Variants in PCDHGA3 observed in about 807,000 individuals in gnomAD.
PCDHGA3 encodes protocadherin gamma subfamily A, 3.
A neutral mutation model predicts 58.5 loss-of-function variants in PCDHGA3; 40 were observed. The observed-to-expected ratio is 0.68, with a 90% CI of 0.53 to 0.89. The LOEUF is 0.89. PCDHGA3 is among the 40% of genes least tolerant of loss of function. The pLI is 0.00. For synonymous variants in PCDHGA3, 530 were observed against 525.7 expected (o/e 1.01, Z -0.11); for missense variants, 1,223 against 1,195.9 (o/e 1.02, Z -0.33).
At chr5:141,416,993 C>T (rs1230909560) in intron 1 of PCDHGA3, 1 of 151,494 alleles carries the variant, frequency 6.6e-6, no homozygotes, top group Non-Finnish European at 1.5e-5. Context: ...ATTGTGCATT[C>T]ATCTCAAATA....
rs201540226 is a variant in PCDHGA3, at chr5:141,399,196, G to T, written c.2424+52739G>T. On this transcript the variant is annotated intron_variant, in intron 1 of 3. Coordinates refer to ENST00000253812, the MANE Select transcript of PCDHGA3 (RefSeq NM_018916.4). ...ACTTGAAATGATTCTGGAAAACGCG[G>T]TGCCTGGAACACTAATTGCTTTGAT... The T allele has an allele frequency of 4.2e-5, 67 of 1,613,820 alleles. 1 individual carries two copies. In the African/African-American group the frequency reaches 5.7e-4, roughly 14 times the overall value.
Position 141,432,563 on chromosome 5 carries a change from G to T in PCDHGA3, c.2425-62244G>T. 2 of 1,613,912 alleles carry T rather than the reference G, an allele frequency of 1.2e-6. No homozygotes were observed. Among genetic ancestry groups the T allele is most frequent in the Non-Finnish European group, 1.7e-6 (2 of 1,179,996 alleles). The stretch of plus-strand genomic sequence containing the variant: ...GGTGGACAGAGACTCCGGCCAGAAC[G>T]CCTGGCTGTCCTACCGTCTGCTCAA... On this transcript the variant is annotated intron_variant, in intron 1 of 3. Transcript: ENST00000253812. The surrounding 1 kb of genome is among the most constrained non-coding windows in gnomAD (Gnocchi z 6.0).
rs747437039 is a variant in PCDHGA3 at position 141,413,919 on chromosome 5, G to T, written c.2424+67462G>T. The T allele has an allele frequency of 1.2e-5, 19 of 1,613,284 alleles. 1 individual carries two copies. The highest frequency in any genetic ancestry group is 1.6e-5 in the Non-Finnish European group (19 of 1,179,890). ...ATGACAACGCGCCGGTCTTCACCTT[G>T]CCAGAATACCGAGTGAGTGTTCCTG... On this transcript the variant is annotated intron_variant, in intron 1 of 3. Transcript: ENST00000253812.
chr5:141,347,057 T>G (rs1299056718), intron 1 of PCDHGA3, among the ~76,000 whole-genome samples: 2 of 135,096 alleles, frequency 1.5e-5, no homozygotes, highest in Non-Finnish European at 3.2e-5. Context: ...CTTTCCTCCT[T>G]CCTTCCTTCC....
chr5:141,441,725 C>A, intron 1 of PCDHGA3: 1 of 352,450 alleles, frequency 2.8e-6, no homozygotes. Flanking sequence ...AGGCCCGCGA[C>A]CAGGACTAGC....
chr5:141,344,029 A>G lies in PCDHGA3; in HGVS notation c.-5A>G. On this transcript the variant is annotated 5_prime_UTR_variant, in exon 1 of 4. Coordinates refer to ENST00000253812, the MANE Select transcript of PCDHGA3 (RefSeq NM_018916.4). ...ATTCAGAGAAAGCGATTCACCGAAA[A>G]GGAAATGACCAATTGCCTGAGTTTC... The G allele has an allele frequency of 6.5e-7, 1 of 1,529,670 alleles. No homozygotes were observed. The highest frequency in any genetic ancestry group is 8.8e-7 in the Non-Finnish European group (1 of 1,140,436). 94.8% of individuals were successfully genotyped at this position (1,529,670 alleles called of 1,614,324 possible).
rs1048758308 is a variant in PCDHGA3 at position 141,498,931 on chromosome 5, A to T, written c.2483+4066A>T. Among the ~76,000 whole-genome samples the T allele has an allele frequency of 6.2e-4, 88 of 141,764 alleles. 1 individual carries two copies. Among genetic ancestry groups the T allele is most frequent in the Non-Finnish European group, 1.1e-3 (70 of 64,686 alleles). 93.0% of individuals were successfully genotyped at this position (141,764 alleles called of 152,430 possible). On this transcript the variant is annotated intron_variant, in intron 2 of 3. Coordinates refer to ENST00000253812, the MANE Select transcript of PCDHGA3 (RefSeq NM_018916.4). ...CTGGGTGACAGAGCGAGACTCCATC[A>T]GGAAAGAAAGAAAGAAAAAGAGAGA... is the stretch of plus-strand genomic sequence containing the variant.
chr5:141,462,999 C>T (rs1360054048), intron 1 of PCDHGA3, among the ~76,000 whole-genome samples: 1 of 152,068 alleles, frequency 6.6e-6, no homozygotes, highest in Non-Finnish European at 1.5e-5. Flanking sequence ...TAATTTAGAC[C>T]TACCACTTAA....
intron 1 of PCDHGA3, chr5:141,366,694 C>T: frequency 1.2e-6 from 2 of 1,614,214 alleles, no homozygotes; most frequent in Non-Finnish European, 1.7e-6. Flanking sequence ...GTGAGAAAAG[C>T]GAGCCTCTTC....
chr5:141,431,725 G>A lies in PCDHGA3; in HGVS notation c.2425-63082G>A. The A allele has an allele frequency of 6.2e-7, 1 of 1,614,230 alleles. No individual in the cohort carries two copies. Among genetic ancestry groups the A allele is most frequent in the Non-Finnish European group, 8.5e-7 (1 of 1,180,044 alleles). On this transcript the variant is annotated intron_variant, in intron 1 of 3. Coordinates refer to ENST00000253812, the MANE Select transcript of PCDHGA3 (RefSeq NM_018916.4). The surrounding 1 kb of genome is among the most constrained non-coding windows in gnomAD (Gnocchi z 4.8). Reference sequence around the variant, plus strand: ...TCTACCAGATGGAAGTGCAAGCAATGGATAATGCAGGATATTCTGCGCGAG... The same window carrying A: ...TCTACCAGATGGAAGTGCAAGCAATAGATAATGCAGGATATTCTGCGCGAG...
At chr5:141,398,643 C>T (rs746159571) in intron 1 of PCDHGA3, 1 of 1,614,024 alleles carries the variant, frequency 6.2e-7, no homozygotes, top group Admixed American at 1.7e-5. Context: ...AGTATAAACT[C>T]TCTCTTAACC....
At chr5:141,456,148 C>T (rs1408257938) in intron 1 of PCDHGA3, among the ~76,000 whole-genome samples, 13 of 152,078 alleles carry the variant, frequency 8.5e-5, no homozygotes, top group African/African-American at 3.1e-4. Flanking sequence ...CCGCCCGCCT[C>T]GGCCTCCTAA....
At chr5:141,359,855 TAAAA>T (rs1343900120) in intron 1 of PCDHGA3, among the ~76,000 whole-genome samples, 2 of 151,960 alleles carry the variant, frequency 1.3e-5, no homozygotes, top group Non-Finnish European at 2.9e-5. Context: ...CTTTATAAAT[TAAAA>T]AAGAAAAGAA....
In PCDHGA3 at chr5:141,427,967, G is replaced by A. The variant is rs535332244; in HGVS notation, c.2425-66840G>A. On this transcript the variant is annotated intron_variant, in intron 1 of 3. Coordinates refer to ENST00000253812, the MANE Select transcript of PCDHGA3 (RefSeq NM_018916.4). The stretch of plus-strand genomic sequence containing the variant: ...TCAATGACAATGTGCCGCGGGTGCT[G>A]TACCCCGCGCTGGGGCCCGATGGCT... 10 of 1,591,190 alleles carry A rather than the reference G, an allele frequency of 6.3e-6. No individual in the cohort carries two copies. In the East Asian group the frequency reaches 8.9e-5, roughly 14 times the overall value.
Position 141,409,860 on chromosome 5 carries a change from G to A in PCDHGA3, c.2424+63403G>A, listed in dbSNP as rs764823576. On this transcript the variant is annotated intron_variant, in intron 1 of 3. Transcript: ENST00000253812. ...AACGTGAGCCTGCGCGTGTTGGTGG[G>A]AGACCGCAATGACAACGCACCGCGG... is the stretch of plus-strand genomic sequence containing the variant. The A allele has an allele frequency of 1.2e-5, 20 of 1,612,364 alleles. No homozygotes were observed. In the South Asian group the frequency reaches 1.8e-4, roughly 14 times the overall value.
At chr5:141,423,313 G>A (rs1407028245) in intron 1 of PCDHGA3, 3 of 1,614,184 alleles carry the variant, frequency 1.9e-6, no homozygotes, top group Non-Finnish European at 1.7e-6. Context: ...GTACTTGGTG[G>A]TGGCGGTGGC....
At chr5:141,358,540 G>T (rs191289773) in intron 1 of PCDHGA3, among the ~76,000 whole-genome samples, 576 of 152,270 alleles carry the variant, frequency 3.8e-3, no homozygotes, top group Non-Finnish European at 5.7e-3. Flanking sequence ...ATATTTTCTT[G>T]TTGCTGTTCT....
intron 1 of PCDHGA3, chr5:141,372,284 T>C: frequency 6.2e-7 from 1 of 1,613,190 alleles, no homozygotes; most frequent in Non-Finnish European, 8.5e-7. Context: ...GCACGGCGCG[T>C]ACCTTGGGCG....
intron 1 of PCDHGA3, chr5:141,427,265 C>T (rs767369457): frequency 6.1e-5 from 28 of 456,570 alleles, no homozygotes; most frequent in Non-Finnish European, 1.1e-4. Context: ...GCATGACCAG[C>T]GAATGTAAAA....
Sources: gnomAD v4.1 joint callset for allele counts (sites outside exome capture counted in the v4.1 genomes callset) on GRCh38, gnomAD v4.1.1 for gene constraint, Gnocchi (gnomAD v3.1) non-coding constraint, MANE v1.5 for transcripts, NCBI Gene and HGNC (gene_info 2026-07-23, HGNC 2026-07-21) for gene names.